PTPA: variants seen among roughly 807,000 people sequenced by gnomAD.
PTPA encodes serine/threonine-protein phosphatase 2A activator.
Under a neutral mutation model 43.6 loss-of-function variants are expected in PTPA, and 13 were observed. The observed-to-expected ratio is 0.30, with a 90% confidence interval of 0.19 to 0.47. PTPA has a LOEUF of 0.47. Ranked by LOEUF, PTPA falls within the 20% of genes least tolerant of loss-of-function variation. The probability of loss-of-function intolerance (pLI) is 0.99; values close to 1 mark genes in which losing one functional copy is unlikely to be tolerated. For missense variants in PTPA, 329 were observed against 411.9 expected (o/e 0.80, Z 1.74); for synonymous variants, 172 against 158.2 (o/e 1.09, Z -0.66).
At chr9:129,143,875 C>T (rs1161928193) in intron 9 of PTPA, among the ~76,000 whole-genome samples, 3 of 151,924 alleles carry the variant, frequency 2.0e-5, no homozygotes, top group Non-Finnish European at 4.4e-5. Context: ...GCCTGTCCCA[C>T]AGTGGGGGCT....
intron 3 of PTPA, chr9:129,128,041 C>A: frequency 7.4e-7 from 1 of 1,342,724 alleles, no homozygotes; most frequent in Non-Finnish European, 9.9e-7. Context: ...TACCATTACC[C>A]CGCGCCGGGC....
At chr9:129,124,944 C>T (rs1021542952) in intron 3 of PTPA, among the ~76,000 whole-genome samples, 1 of 152,214 alleles carries the variant, frequency 6.6e-6, no homozygotes, top group Non-Finnish European at 1.5e-5. Flanking sequence ...CTGTTCTGTC[C>T]ACTTCAGGAG....
At chr9:129,131,703 G>A (rs1052261472) in intron 5 of PTPA, 64 bp downstream of exon 5, 98 of 1,492,440 alleles carry the variant, frequency 6.6e-5, no homozygotes, top group Non-Finnish European at 8.4e-6. Flanking sequence ...TGGGCTTCAG[G>A]TGGTCTCTGG....
At chr9:129,144,663 C>T (rs543072053) in intron 9 of PTPA, among the ~76,000 whole-genome samples, 17 of 149,598 alleles carry the variant, frequency 1.1e-4, no homozygotes, top group Admixed American at 6.0e-4. Context: ...GGCGTGAGTC[C>T]GGGCGGTGGA....
intron 8 of PTPA, among the ~76,000 whole-genome samples, chr9:129,138,307 C>T (rs1215880843): frequency 1.3e-5 from 2 of 152,184 alleles, no homozygotes; most frequent in South Asian, 4.1e-4. Flanking sequence ...GCAGTGGGCC[C>T]TGGACCACTT....
In PTPA at chr9:129,147,662, G is replaced by A. The variant is rs1219713927; in HGVS notation, c.*198G>A. 3 of 588,756 alleles carry A rather than the reference G, an allele frequency of 5.1e-6. No individual in the cohort carries two copies. The highest frequency in any genetic ancestry group is 9.0e-6 in the Non-Finnish European group (3 of 334,084). 36.5% of individuals were successfully genotyped at this position (588,756 alleles called of 1,614,324 possible). A position where few individuals can be genotyped will look rare whatever the true frequency, so the allele number is the denominator to read the frequency against. On this transcript the variant is annotated 3_prime_UTR_variant, in exon 10 of 10. Transcript: ENST00000393370. ...GCCCAAGTTGGGAGAAGTGACCAAA[G>A]TGTAGCCAGTTTTCTGAGTTCCCGT... is the stretch of plus-strand genomic sequence containing the variant.
intron 1 of PTPA, among the ~76,000 whole-genome samples, chr9:129,113,746 T>C (rs1848696895): frequency 6.6e-6 from 1 of 152,000 alleles, no homozygotes; most frequent in African/African-American, 2.4e-5. Context: ...CTCCAGCCAC[T>C]GCACCCCAGC....
At chr9:129,145,729 G>C (rs76887921) in intron 9 of PTPA, among the ~76,000 whole-genome samples, 1 of 152,156 alleles carries the variant, frequency 6.6e-6, no homozygotes, top group Non-Finnish European at 1.5e-5. Context: ...CGGGGCGGCG[G>C]GGGGGAGGGT....
chr9:129,146,164 C>T (rs931469097), intron 9 of PTPA, among the ~76,000 whole-genome samples: 3 of 152,148 alleles, frequency 2.0e-5, no homozygotes, highest in African/African-American at 2.4e-5. Flanking sequence ...TGGCAGCTGC[C>T]TTGGCCTCTG....
chr9:129,111,642 C>T lies in PTPA; in HGVS notation c.31+11C>T, dbSNP rs1275387714. On this transcript the variant is annotated intron_variant, in intron 1 of 9. Transcript: ENST00000393370. ...GGCAGCCGCCGCCAGGTAAGGCCGG[C>T]GGGGCCAGGCCGGGCCGGGGTCGGG... The T allele has an allele frequency of 3.7e-6, 4 of 1,094,232 alleles. No individual in the cohort carries two copies. The highest frequency in any genetic ancestry group is 1.1e-4 in the Admixed American group (2 of 18,420). The allele number at this position is 1,094,232 out of a possible 1,614,324, so 67.8% of individuals were successfully genotyped here.
At chr9:129,143,237 T>A (rs529491019) in intron 9 of PTPA, 1 of 688,900 alleles carries the variant, frequency 1.5e-6, no homozygotes, top group African/African-American at 1.8e-5. Context: ...TTATTTCTAC[T>A]CTGTCCCTTC....
chr9:129,117,236 G>A (rs1380940402), intron 1 of PTPA, among the ~76,000 whole-genome samples: 3 of 151,924 alleles, frequency 2.0e-5, no homozygotes, highest in African/African-American at 7.2e-5. Context: ...TTGTAGAGAT[G>A]GGGTTTGGCC....
At chr9:129,138,044 C>T (rs904725914) in intron 8 of PTPA, 1 of 350,928 alleles carries the variant, frequency 2.8e-6, no homozygotes, top group African/African-American at 2.1e-5. Context: ...CGGTGGGGCC[C>T]CACAAGGGTC....
Position 129,142,949 on chromosome 9 carries a change from C to T in PTPA, c.894+397C>T, listed in dbSNP as rs1049631252. The T allele has an allele frequency of 5.7e-6, 8 of 1,407,540 alleles. No individual in the cohort carries two copies. In the African/African-American group the frequency reaches 7.2e-5, roughly 13 times the overall value. The allele number at this position is 1,407,540 out of a possible 1,614,324, so 87.2% of individuals were successfully genotyped here. On this transcript the variant is annotated intron_variant, in intron 9 of 9. Transcript: ENST00000393370. ...TGGGAAGGGTCTTACCCTTTGGAGG[C>T]ATCTCCAAAGTGCTGCCTTCAAATG... is the stretch of plus-strand genomic sequence containing the variant.
chr9:129,141,411 C>T (rs1850816213), intron 8 of PTPA, among the ~76,000 whole-genome samples: 1 of 152,210 alleles, frequency 6.6e-6, no homozygotes, highest in Non-Finnish European at 1.5e-5. Context: ...GATTCAGCCT[C>T]TTTGCAGAGT....
intron 5 of PTPA, 99 bp downstream of exon 5, chr9:129,131,738 C>A: frequency 2.5e-6 from 3 of 1,204,930 alleles, no homozygotes; most frequent in Non-Finnish European, 3.6e-6. Context: ...TGAGAGCAAT[C>A]AAGAATTCGC....
Position 129,115,100 on chromosome 9 carries a change from C to A in PTPA, c.31+3469C>A, listed in dbSNP as rs895587045. ...GTGCAACCTCCGAGGAGAGCTGTCC[C>A]TTTGCAGAGAATGGTGATCTCACAC... On this transcript the variant is annotated intron_variant, in intron 1 of 9. Transcript: ENST00000393370. Among the ~76,000 whole-genome samples, 6 of 152,246 alleles carry A rather than the reference C, an allele frequency of 3.9e-5. No individual in the cohort carries two copies. The East Asian group carries it at 1.2e-3, about 29-fold the overall frequency.
At chr9:129,142,677 T>C in intron 9 of PTPA, 125 bp downstream of exon 9, 1 of 1,548,962 alleles carries the variant, frequency 6.5e-7, no homozygotes, top group Non-Finnish European at 8.7e-7. Context: ...GCTCTGAATC[T>C]TAGGCCAGCC....
intron 8 of PTPA, among the ~76,000 whole-genome samples, chr9:129,140,342 T>TACAG (rs1338785546): frequency 1.3e-5 from 2 of 152,188 alleles, no homozygotes; most frequent in African/African-American, 4.8e-5. Context: ...TTGCCAGAGT[T>TACAG]ACAGGCAAAG....
Sources: gnomAD v4.1 joint callset for allele counts (sites outside exome capture counted in the v4.1 genomes callset) on GRCh38, gnomAD v4.1.1 for gene constraint, MANE v1.5 for transcripts, NCBI Gene and HGNC (gene_info 2026-07-23, HGNC 2026-07-21) for gene names.